The following RBFOX1 variants were observed in gnomAD, a reference collection of about 807,000 sequenced individuals.
The protein encoded by RBFOX1 is RNA binding fox-1 homolog 1.
A neutral mutation model predicts 57.7 loss-of-function variants in RBFOX1; 8 were observed. That is an observed-to-expected ratio of 0.14 (90% CI 0.08 to 0.25). The LOEUF (loss-of-function observed/expected upper bound fraction) is 0.25. RBFOX1 is among the 10% of genes least tolerant of loss of function. The probability of loss-of-function intolerance (pLI) is 1.00; values close to 1 mark genes in which losing one functional copy is unlikely to be tolerated. For missense variants in RBFOX1, 611 were observed against 548.5 expected, an observed-to-expected ratio of 1.11 and a Z score of -1.14; for synonymous variants, 326 against 222.4, an observed-to-expected ratio of 1.47 and a Z score of -4.15.
At chr16:5,825,774 T>G (rs5009599) in intron 3 of RBFOX1, among the ~76,000 whole-genome samples, 56 of 146,940 alleles carry the variant, frequency 3.8e-4, no homozygotes, top group Middle Eastern at 7.2e-3. Flanking sequence ...ATAATATTCC[T>G]TAATATGAAT....
intron 1 of RBFOX1, among the ~76,000 whole-genome samples, chr16:6,311,382 G>C (rs1405240031): frequency 6.6e-6 from 1 of 151,752 alleles, no homozygotes. Flanking sequence ...TATAAAGGGA[G>C]AAAATGAATC....
chr16:6,335,709 C>G (rs1205359544), intron 2 of RBFOX1, among the ~76,000 whole-genome samples: 1 of 140,856 alleles, frequency 7.1e-6, no homozygotes, highest in Non-Finnish European at 1.5e-5. Flanking sequence ...ACCCGGGAGC[C>G]GGAGATTGCA....
rs1320490609 is a variant in RBFOX1, at chr16:5,535,310, G to A, written c.259-63592G>A. On this transcript the variant is annotated intron_variant, in intron 2 of 2. Transcript: ENST00000585867. ...CTCATCTACAGTATCCACATTTGGT[G>A]TGGAAGTGGGTGGGAGTATGGTCCA... Among the ~76,000 whole-genome samples the A allele has an allele frequency of 2.6e-5, 4 of 152,216 alleles. No homozygotes were observed. In the South Asian group the frequency reaches 6.2e-4, roughly 24 times the overall value.
chr16:5,707,161 G>A (rs2051283289), intron 3 of RBFOX1, among the ~76,000 whole-genome samples: 1 of 152,098 alleles, frequency 6.6e-6, no homozygotes, highest in Non-Finnish European at 1.5e-5. Context: ...CATTAGTGGG[G>A]AGCTTCTCTT....
chr16:5,943,515 GCC>G (rs772676983), intron 4 of RBFOX1, among the ~76,000 whole-genome samples: 2 of 152,302 alleles, frequency 1.3e-5, no homozygotes, highest in South Asian at 4.1e-4. Context: ...GGCATCCTAT[GCC>G]AGAAACAGGA....
chr16:7,239,140 C>T (rs1181756708), intron 4 of RBFOX1, among the ~76,000 whole-genome samples: 6 of 152,080 alleles, frequency 3.9e-5, no homozygotes, highest in Non-Finnish European at 7.4e-5. Flanking sequence ...TTCTCCTTTG[C>T]CTTTCCTAAA....
chr16:6,945,759 C>G (rs1012463517), intron 3 of RBFOX1, among the ~76,000 whole-genome samples: 1 of 152,144 alleles, frequency 6.6e-6, no homozygotes, highest in African/African-American at 2.4e-5. Flanking sequence ...AGGGTGGTGG[C>G]AGGCACCTGT....
chr16:5,294,119 C>A (rs940481150), intron 1 of RBFOX1, among the ~76,000 whole-genome samples: 19 of 152,092 alleles, frequency 1.2e-4, no homozygotes, highest in African/African-American at 4.6e-4. Flanking sequence ...ATCCCAGCTA[C>A]TCGGGAGGCT....
At chr16:6,988,239 G>A (rs541218260) in intron 3 of RBFOX1, among the ~76,000 whole-genome samples, 12 of 152,268 alleles carry the variant, frequency 7.9e-5, no homozygotes, top group African/African-American at 2.4e-4. Context: ...TTTCCTGCTG[G>A]TTTTTCCAGG....
chr16:7,026,328 A>T (rs2040918175), intron 3 of RBFOX1, among the ~76,000 whole-genome samples: 1 of 152,210 alleles, frequency 6.6e-6, no homozygotes, highest in Admixed American at 6.5e-5. Context: ...TTAACGGTTT[A>T]ACTCGGGTAT....
At chr16:6,708,535 C>T (rs1603449252) in intron 3 of RBFOX1, among the ~76,000 whole-genome samples, 1 of 152,116 alleles carries the variant, frequency 6.6e-6, no homozygotes, top group African/African-American at 2.4e-5. Flanking sequence ...GACAATTTCG[C>T]ACAAATATGT....
At chr16:6,757,098 G>A (rs115387002) in intron 3 of RBFOX1, among the ~76,000 whole-genome samples, 182 of 152,178 alleles carry the variant, frequency 1.2e-3, no homozygotes, top group African/African-American at 4.0e-3. Flanking sequence ...CCTCAATGAC[G>A]TATAATTTCA....
chr16:6,832,972 T>C lies in RBFOX1; in HGVS notation c.-16+178322T>C, dbSNP rs183419604. 3.3e-3 allele frequency among the ~76,000 whole-genome samples: 504 copies of C among 152,260 alleles called. 3 individuals carry two copies. Among genetic ancestry groups the C allele is most frequent in the African/African-American group, 0.012 (478 of 41,554 alleles). On this transcript the variant is annotated intron_variant, in intron 3 of 15. Coordinates refer to ENST00000550418, the MANE Select transcript of RBFOX1 (RefSeq NM_018723.4). ...AAAAATACAGTCACACAAATTGATA[T>C]GTAACTCCTGCTCCTCATTTACCAC...
chr16:6,461,375 A>G (rs546237795), intron 2 of RBFOX1, among the ~76,000 whole-genome samples: 1 of 152,222 alleles, frequency 6.6e-6, no homozygotes, highest in Non-Finnish European at 1.5e-5. Context: ...ATAAGGGCAC[A>G]TTCTGAGGTT....
rs151019638 is a variant in RBFOX1 at position 7,585,397 on chromosome 16, G to C, written c.415-1850G>C. On this transcript the variant is annotated intron_variant, in intron 6 of 15. Coordinates refer to ENST00000550418, the MANE Select transcript of RBFOX1 (RefSeq NM_018723.4). ...AGTCCACAGATTGCAGGATGAGTAA[G>C]CTGCACGTTTGTTGGCGTTTCCATT... Among the ~76,000 whole-genome samples, 567 of 152,300 alleles carry C rather than the reference G, an allele frequency of 3.7e-3. 3 individuals carry two copies. The highest frequency in any genetic ancestry group is 0.013 in the African/African-American group (534 of 41,570).
At chr16:7,159,058 G>T (rs1310572112) in intron 4 of RBFOX1, among the ~76,000 whole-genome samples, 1 of 150,946 alleles carries the variant, frequency 6.6e-6, no homozygotes, top group Admixed American at 6.6e-5. Context: ...CCACTAACCT[G>T]TTCTTCACTT....
intron 2 of RBFOX1, among the ~76,000 whole-genome samples, chr16:6,509,828 C>A (rs1180997120): frequency 6.6e-6 from 1 of 152,154 alleles, no homozygotes; most frequent in East Asian, 1.9e-4. Flanking sequence ...CATGTTCTCC[C>A]AAACATGAAA....
At chr16:5,397,846 A>G (rs2066603915) in intron 1 of RBFOX1, among the ~76,000 whole-genome samples, 1 of 152,224 alleles carries the variant, frequency 6.6e-6, no homozygotes, top group African/African-American at 2.4e-5. Flanking sequence ...TTTTAAAGCC[A>G]CTTACTTGTT....
chr16:7,032,139 T>A (rs748003733), intron 3 of RBFOX1, among the ~76,000 whole-genome samples: 2 of 152,042 alleles, frequency 1.3e-5, no homozygotes, highest in Non-Finnish European at 2.9e-5. Flanking sequence ...AAAAATCTTA[T>A]CTTGGCGGGG....
Sources: gnomAD v4.1 joint callset for allele counts (sites outside exome capture counted in the v4.1 genomes callset) on GRCh38, gnomAD v4.1.1 for gene constraint, MANE v1.5 for transcripts, NCBI Gene and HGNC (gene_info 2026-07-23, HGNC 2026-07-21) for gene names.